Variants in ADGRL3 observed in about 807,000 individuals in gnomAD.
The protein encoded by ADGRL3 is calcium-independent alpha-latrotoxin receptor 3.
ADGRL3 carries 62 observed loss-of-function variants against 153.5 expected under a neutral mutation model. That is an observed-to-expected ratio of 0.40 (90% CI 0.33 to 0.50). The LOEUF (loss-of-function observed/expected upper bound fraction) is 0.50, where lower values mean the gene tolerates loss of function less well. ADGRL3 is among the 20% of genes least tolerant of loss of function. The pLI is 0.47. For missense variants in ADGRL3, 1,641 were observed against 1,859.4 expected, an observed-to-expected ratio of 0.88 and a Z score of 2.16; for synonymous variants, 710 against 672.5, an observed-to-expected ratio of 1.06 and a Z score of -0.86.
rs973032299 is a variant in ADGRL3 at position 61,263,897 on chromosome 4, GT to G, written c.-240+62143del. On this transcript the variant is annotated intron_variant, in intron 1 of 26. Transcript: ENST00000683033. ...TATGTTTATTTATCCATTTAGGGTA[GT>G]TTTTTTTTTTCATTTCGTTCCAGGT... Among the ~76,000 whole-genome samples the G allele has an allele frequency of 5.7e-4, 84 of 146,188 alleles. No homozygotes were observed. The South Asian group carries it at 7.0e-3, about 12-fold the overall frequency.
At chr4:61,978,040 T>G (rs971895146) in intron 17 of ADGRL3, among the ~76,000 whole-genome samples, 2 of 152,186 alleles carry the variant, frequency 1.3e-5, no homozygotes, top group South Asian at 2.1e-4. Flanking sequence ...AGTGAGAACA[T>G]GCAGTATTTG....
chr4:61,508,081 C>T (rs1457359095), intron 3 of ADGRL3, among the ~76,000 whole-genome samples: 1 of 152,012 alleles, frequency 6.6e-6, no homozygotes, highest in Non-Finnish European at 1.5e-5. Flanking sequence ...TCTTAAGGTA[C>T]ATAATATGGA....
chr4:61,229,081 A>T (rs1702432510), intron 1 of ADGRL3, among the ~76,000 whole-genome samples: 1 of 152,122 alleles, frequency 6.6e-6, no homozygotes, highest in Non-Finnish European at 1.5e-5. Context: ...AGAGGCTGTG[A>T]TGTAGAGAAA....
At chr4:61,292,660 G>C (rs570804674) in intron 1 of ADGRL3, among the ~76,000 whole-genome samples, 3 of 152,262 alleles carry the variant, frequency 2.0e-5, no homozygotes, top group African/African-American at 7.2e-5. Flanking sequence ...TCTGTCTGGG[G>C]TCTTTCTTTG....
chr4:61,360,912 CACTT>C (rs1036391133), intron 1 of ADGRL3, among the ~76,000 whole-genome samples: 4 of 152,158 alleles, frequency 2.6e-5, no homozygotes, highest in African/African-American at 9.7e-5. Context: ...TGTGTTGTCT[CACTT>C]AGTCTTCAAA....
chr4:62,070,606 C>T lies in ADGRL3; in HGVS notation c.4330C>T (p.Leu1444Phe). 6.4e-7 allele frequency: 1 copy of T among 1,551,840 alleles called. No homozygotes were observed. Among genetic ancestry groups the T allele is most frequent in the Non-Finnish European group, 8.7e-7 (1 of 1,147,044 alleles). Residue 1444 changes from leucine to phenylalanine, a missense_variant, in exon 27 of 27, where the codon CTC becomes TTC. By Grantham distance (22) the Leu-to-Phe change is conservative. Transcript: ENST00000683033. ...GCTAACCAACGAGCACACAGAAGAT[C>T]TCCAGTCACCCCATAGAGACTCTCT... ...PLLTNEHTEDLQSPHRDSLYT... is the reference protein window; with the variant it reads ...PLLTNEHTEDFQSPHRDSLYT...
At chr4:61,542,954 A>G (rs1259978528) in intron 4 of ADGRL3, among the ~76,000 whole-genome samples, 1 of 152,154 alleles carries the variant, frequency 6.6e-6, no homozygotes, top group Non-Finnish European at 1.5e-5. Flanking sequence ...GTATGACACC[A>G]TTAACAACTC....
chr4:61,571,283 T>C (rs1044856137), intron 4 of ADGRL3, among the ~76,000 whole-genome samples: 7 of 151,120 alleles, frequency 4.6e-5, no homozygotes, highest in Non-Finnish European at 4.4e-5. Flanking sequence ...CAGACTAGCC[T>C]GCACAACATG....
chr4:62,048,819 C>T (rs1411674458), intron 25 of ADGRL3, among the ~76,000 whole-genome samples: 1 of 152,038 alleles, frequency 6.6e-6, no homozygotes, highest in East Asian at 1.9e-4. Flanking sequence ...TCCCAAAGTG[C>T]TGGGATTACA....
chr4:61,221,256 G>A (rs1167301433), intron 1 of ADGRL3, among the ~76,000 whole-genome samples: 2 of 152,124 alleles, frequency 1.3e-5, no homozygotes, highest in African/African-American at 4.8e-5. Flanking sequence ...CAATTGACAT[G>A]CATAATAAAA....
intron 6 of ADGRL3, among the ~76,000 whole-genome samples, chr4:61,679,428 C>A (rs1169033864): frequency 6.6e-6 from 1 of 151,992 alleles, no homozygotes; most frequent in East Asian, 1.9e-4. Flanking sequence ...AAGCTAGGTC[C>A]TTTTCCTGGA....
At chr4:61,654,407 G>A (rs2094378266) in intron 5 of ADGRL3, among the ~76,000 whole-genome samples, 2 of 152,000 alleles carry the variant, frequency 1.3e-5, no homozygotes, top group South Asian at 2.1e-4. Flanking sequence ...TAACTATGGG[G>A]TAATTTTAAG....
rs565277811 is a variant in ADGRL3 at position 61,456,572 on chromosome 4, C to G, written c.-173-40549C>G. ...ACTTACTTATTTAACCAGGCTTTAT[C>G]CCATACTTATTGTCTGTTTTTCCTG... On this transcript the variant is annotated intron_variant, in intron 2 of 26. Transcript: ENST00000683033. 3.4e-5 allele frequency among the ~76,000 whole-genome samples: 5 copies of G among 149,184 alleles called. 1 individual carries two copies. The highest frequency in any genetic ancestry group is 1.2e-4 in the African/African-American group (5 of 40,610).
chr4:61,209,640 T>C (rs763325841), intron 1 of ADGRL3, among the ~76,000 whole-genome samples: 2 of 152,144 alleles, frequency 1.3e-5, no homozygotes, highest in Non-Finnish European at 2.9e-5. Context: ...TAAGTACTTA[T>C]TTCTGAGCTC....
chr4:62,030,432 C>G (rs542094073), intron 22 of ADGRL3, among the ~76,000 whole-genome samples: 1 of 151,524 alleles, frequency 6.6e-6, no homozygotes, highest in African/African-American at 2.4e-5. Context: ...TGATTTGGTC[C>G]TGTTCTCCCA....
chr4:61,532,537 C>T (rs1174793608), intron 4 of ADGRL3, among the ~76,000 whole-genome samples: 4 of 90,322 alleles, frequency 4.4e-5, no homozygotes, highest in African/African-American at 1.5e-4. Flanking sequence ...TGCATGCGCG[C>T]GCGCGCGCGC....
chr4:61,496,791 T>C (rs1015413619), intron 2 of ADGRL3, among the ~76,000 whole-genome samples: 1 of 149,492 alleles, frequency 6.7e-6, no homozygotes, highest in African/African-American at 2.5e-5. Context: ...AATACAAAAA[T>C]TTAGCCTGGC....
rs1271480274 is a variant in ADGRL3 at position 61,206,463 on chromosome 4, G to T, written c.-240+4698G>T. The stretch of plus-strand genomic sequence containing the variant: ...TGGGGATCTCTGACACCCTTTCAGA[G>T]GAAATGTGAAAAGAAAACCTTTTTA... On this transcript the variant is annotated intron_variant, in intron 1 of 26. Coordinates refer to ENST00000683033, the MANE Select transcript of ADGRL3 (RefSeq NM_001387552.1). Among the ~76,000 whole-genome samples the T allele has an allele frequency of 2.0e-5, 3 of 152,246 alleles. No individual in the cohort carries two copies. The East Asian group carries it at 5.8e-4, about 29-fold the overall frequency.
chr4:61,648,774 A>G (rs1222541497), intron 5 of ADGRL3, among the ~76,000 whole-genome samples: 2 of 152,006 alleles, frequency 1.3e-5, no homozygotes, highest in African/African-American at 4.8e-5. Flanking sequence ...CACCTTACAT[A>G]TATCATTTCA....
Sources: gnomAD v4.1 joint callset for allele counts (sites outside exome capture counted in the v4.1 genomes callset) on GRCh38, gnomAD v4.1.1 for gene constraint, MANE v1.5 for transcripts, NCBI Gene and HGNC (gene_info 2026-07-23, HGNC 2026-07-21) for gene names.